The following CFAP95 variants were observed in gnomAD, a reference collection of about 807,000 sequenced individuals.
CFAP95 encodes the protein cilia- and flagella-associated protein 95.
the CFAP95 span, among the ~76,000 whole-genome samples, chr9:69,857,014 AC>A: frequency 1.1e-4 from 17 of 150,744 alleles, no homozygotes; most frequent in East Asian, 3.1e-3. Flanking sequence ...GGTGTTTATA[AC>A]CCAGCTTGTT....
At chr9:69,903,247 C>T in the CFAP95 span, among the ~76,000 whole-genome samples, 2 of 152,200 alleles carry the variant, frequency 1.3e-5, no homozygotes, top group African/African-American at 4.8e-5. Flanking sequence ...GAACTTCTTT[C>T]ACATAAACCA....
the CFAP95 span, among the ~76,000 whole-genome samples, chr9:69,860,969 T>G: frequency 2.0e-5 from 3 of 152,286 alleles, no homozygotes; most frequent in South Asian, 6.2e-4. Flanking sequence ...AGTTCACATT[T>G]TTTTAAATAA....
At chr9:69,899,466 G>A in the CFAP95 span, among the ~76,000 whole-genome samples, 1 of 152,224 alleles carries the variant, frequency 6.6e-6, no homozygotes, top group Non-Finnish European at 1.5e-5. Context: ...TATAGAAAGT[G>A]TTTAATCCCT....
the CFAP95 span, among the ~76,000 whole-genome samples, chr9:69,851,585 T>C: frequency 1.3e-5 from 2 of 152,170 alleles, no homozygotes; most frequent in African/African-American, 4.8e-5. Flanking sequence ...CTTTTGTGTT[T>C]ATTTTACTAA....
the CFAP95 span, among the ~76,000 whole-genome samples, chr9:69,873,756 G>GC: frequency 2.0e-5 from 3 of 152,068 alleles, no homozygotes; most frequent in Admixed American, 6.6e-5. Flanking sequence ...TAAAATATCT[G>GC]CCCCCCATCT....
the CFAP95 span, among the ~76,000 whole-genome samples, chr9:69,825,776 A>G: frequency 6.6e-6 from 1 of 152,210 alleles, no homozygotes; most frequent in Non-Finnish European, 1.5e-5. Context: ...TCTTATATTC[A>G]TTCATTCATA....
chr9:69,854,847 C>A, the CFAP95 span, among the ~76,000 whole-genome samples: 1 of 152,192 alleles, frequency 6.6e-6, no homozygotes, highest in Non-Finnish European at 1.5e-5. Context: ...TATCAGGTGG[C>A]CCTCACTACA....
At chr9:69,906,219 G>A in the CFAP95 span, 1 of 1,167,200 alleles carries the variant, frequency 8.6e-7, no homozygotes, top group Non-Finnish European at 1.2e-6. Flanking sequence ...AAATGCAATG[G>A]AAGTGTTACT....
chr9:69,826,362 C>G, the CFAP95 span, among the ~76,000 whole-genome samples: 1 of 152,180 alleles, frequency 6.6e-6, no homozygotes, highest in African/African-American at 2.4e-5. Context: ...ATGATTTTCT[C>G]AGGTACTAAC....
At chr9:69,864,515 T>A in the CFAP95 span, among the ~76,000 whole-genome samples, 4 of 152,184 alleles carry the variant, frequency 2.6e-5, no homozygotes, top group African/African-American at 9.7e-5. Flanking sequence ...CCAAATGATC[T>A]GTAAAGTCCT....
the CFAP95 span, chr9:69,884,683 A>G: frequency 6.6e-6 from 1 of 151,590 alleles, no homozygotes; most frequent in East Asian, 1.9e-4. Context: ...ATACAGTTTG[A>G]TGTTCAATTT....
At chr9:69,873,232 A>G in the CFAP95 span, among the ~76,000 whole-genome samples, 350 of 152,024 alleles carry the variant, frequency 2.3e-3, no homozygotes, top group African/African-American at 7.9e-3. Flanking sequence ...AAATAAAGTC[A>G]CTCTTCTCTC....
At chr9:69,838,338 A>G in the CFAP95 span, among the ~76,000 whole-genome samples, 1 of 151,668 alleles carries the variant, frequency 6.6e-6, no homozygotes, top group African/African-American at 2.4e-5. Context: ...GGCCATTTTC[A>G]CGATATTGAT....
the CFAP95 span, among the ~76,000 whole-genome samples, chr9:69,885,514 A>G: frequency 4.5e-4 from 68 of 152,288 alleles, no homozygotes; most frequent in East Asian, 5.8e-4. Context: ...CTCTTACTCT[A>G]GATGTGTGGG....
the CFAP95 span, among the ~76,000 whole-genome samples, chr9:69,836,111 T>C: frequency 0.57 from 86,625 of 152,078 alleles, 25,451 homozygotes; most frequent in South Asian, 0.68. Flanking sequence ...TGATTGTTGG[T>C]GTTAGAGGCC....
At chr9:69,867,114 T>A in the CFAP95 span, among the ~76,000 whole-genome samples, 1 of 152,206 alleles carries the variant, frequency 6.6e-6, no homozygotes, top group Non-Finnish European at 1.5e-5. Context: ...GTGTTAGTAT[T>A]TGGGGTTGTG....
At chr9:69,900,049 G>A in the CFAP95 span, among the ~76,000 whole-genome samples, 1 of 152,012 alleles carries the variant, frequency 6.6e-6, no homozygotes, top group Admixed American at 6.6e-5. Flanking sequence ...GCATTTATTG[G>A]TATTAAATGC....
the CFAP95 span, among the ~76,000 whole-genome samples, chr9:69,821,735 T>C: frequency 1.4e-5 from 2 of 147,860 alleles, no homozygotes; most frequent in Admixed American, 6.9e-5. Flanking sequence ...GCATGAGCTC[T>C]GTTTACTTTT....
chr9:69,888,997 T>G, the CFAP95 span, among the ~76,000 whole-genome samples: 1 of 152,204 alleles, frequency 6.6e-6, no homozygotes, highest in Non-Finnish European at 1.5e-5. Flanking sequence ...CTGAATTATT[T>G]ATGATGACAA....
Sources: allele counts gnomAD v4.1 joint callset (sites outside exome capture counted in the v4.1 genomes callset), GRCh38; gene constraint gnomAD v4.1.1; transcripts MANE v1.5; gene names NCBI Gene and HGNC (gene_info 2026-07-23, HGNC 2026-07-21).